Variants in ATP13A4 observed in about 807,000 individuals in gnomAD.
The protein encoded by ATP13A4 is probable cation-transporting ATPase 13A4.
In ATP13A4, 114 loss-of-function variants were observed where a neutral mutation model predicts 142.5. That is an observed-to-expected ratio of 0.80 (90% CI 0.69 to 0.93). The LOEUF is 0.93. ATP13A4 is among the 40% of genes least tolerant of loss of function. The pLI, the probability that ATP13A4 is intolerant of heterozygous loss-of-function variation, is 0.00. For missense variants in ATP13A4, 1,392 were observed against 1,454.0 expected (o/e 0.96, Z 0.69); for synonymous variants, 488 against 514.8 (o/e 0.95, Z 0.70).
At chr3:193,573,286 TATACAC>T (rs1334130800) in intron 2 of ATP13A4, among the ~76,000 whole-genome samples, 29 of 83,160 alleles carry the variant, frequency 3.5e-4, no homozygotes, top group African/African-American at 1.6e-3. Context: ...CATATATATA[TATACAC>T]ATATATATAT....
intron 8 of ATP13A4, 22 bp from the exon 9 acceptor site, chr3:193,471,015 G>A (rs773331201): frequency 6.2e-7 from 1 of 1,614,028 alleles, no homozygotes; most frequent in South Asian, 1.1e-5. Flanking sequence ...AGGAGACAGA[G>A]TTGAGTCAGG....
At chr3:193,411,639 AG>A (rs1172471291) in intron 27 of ATP13A4, among the ~76,000 whole-genome samples, 1 of 152,212 alleles carries the variant, frequency 6.6e-6, no homozygotes, top group African/African-American at 2.4e-5. Context: ...AAGATTAAAC[AG>A]GTCACTCATT....
intron 25 of ATP13A4, among the ~76,000 whole-genome samples, chr3:193,429,451 A>G (rs1715853867): frequency 6.6e-6 from 1 of 152,166 alleles, no homozygotes; most frequent in Admixed American, 6.6e-5. Context: ...ATAATGGAAT[A>G]TTATTCAGCT....
chr3:193,459,307 T>C, intron 13 of ATP13A4, 76 bp from the exon 14 acceptor site: 1 of 1,545,690 alleles, frequency 6.5e-7, no homozygotes, highest in Non-Finnish European at 8.8e-7. Flanking sequence ...TGAACAAACA[T>C]CTTTATAAAA....
At chr3:193,418,482 G>A (rs1222330206) in intron 25 of ATP13A4, among the ~76,000 whole-genome samples, 1 of 149,576 alleles carries the variant, frequency 6.7e-6, no homozygotes, top group Non-Finnish European at 1.5e-5. Context: ...CAGAAACCCT[G>A]TAGAGCACAG....
At position 193,417,250 on chromosome 3, in the gene ATP13A4, A is replaced by G. The variant is rs142466307; in HGVS notation, c.2843-2500T>C. ...AGGGCTCAGATTGAAATGAAAGAAT[A>G]CAAGATAGCTACTCAAACACTTACG... On this transcript the variant is annotated intron_variant, in intron 25 of 29. Coordinates refer to ENST00000342695, the MANE Select transcript of ATP13A4 (RefSeq NM_032279.4). 7.3e-3 allele frequency among the ~76,000 whole-genome samples: 1,106 copies of G among 152,346 alleles called. 12 individuals are homozygous for G. Among genetic ancestry groups the G allele is most frequent in the African/African-American group, 0.025 (1,057 of 41,576 alleles).
At chr3:193,413,713 G>GA (rs936701220) in intron 26 of ATP13A4, among the ~76,000 whole-genome samples, 3 of 152,178 alleles carry the variant, frequency 2.0e-5, no homozygotes, top group Admixed American at 1.3e-4. Flanking sequence ...TAGGATGGGG[G>GA]AAAAAACCCC....
intron 1 of ATP13A4, among the ~76,000 whole-genome samples, chr3:193,592,648 G>A (rs1724861614): frequency 6.6e-6 from 1 of 152,164 alleles, no homozygotes; most frequent in Non-Finnish European, 1.5e-5. Context: ...AACCACACAA[G>A]CTTATTCCAA....
intron 1 of ATP13A4, among the ~76,000 whole-genome samples, chr3:193,549,733 G>A (rs1364847826): frequency 6.6e-6 from 1 of 152,144 alleles, no homozygotes; most frequent in Admixed American, 6.5e-5. Context: ...TCAGGAGGCT[G>A]ATGTGGGAGG....
intron 2 of ATP13A4, among the ~76,000 whole-genome samples, chr3:193,577,381 C>T (rs1724418328): frequency 6.6e-6 from 1 of 152,118 alleles, no homozygotes; most frequent in Non-Finnish European, 1.5e-5. Flanking sequence ...TTACTCTTAC[C>T]ATTCTTTCTT....
At chr3:193,512,453 C>A (rs1034170372) in intron 2 of ATP13A4, among the ~76,000 whole-genome samples, 2 of 152,126 alleles carry the variant, frequency 1.3e-5, no homozygotes, top group African/African-American at 4.8e-5. Context: ...CTGAGCCATA[C>A]ATCAAATGTC....
chr3:193,560,259 A>C (rs9811801), intron 2 of ATP13A4, among the ~76,000 whole-genome samples: 19,892 of 151,468 alleles, frequency 0.13, 1,413 homozygotes, highest in Non-Finnish European at 0.16. Flanking sequence ...CCCAGACTGG[A>C]GTGCAGAGGT....
Position 193,573,292 on chromosome 3 carries a change from C to CAT in ATP13A4, n.291+8413_291+8414dup, listed in dbSNP as rs1318036721. On this transcript the variant is annotated intron_variant and non_coding_transcript_variant, in intron 2 of 3. Transcript: ENST00000489140. ...ATATATATACATATATATATATACA[C>CAT]ATATATATATATATACATATATATA... Among the ~76,000 whole-genome samples the CAT allele has an allele frequency of 5.8e-4, 63 of 107,842 alleles. 3 individuals carry two copies. The highest frequency in any genetic ancestry group is 1.3e-3 in the South Asian group (5 of 3,712). 70.7% of individuals were successfully genotyped at this position (107,842 alleles called of 152,430 possible).
At chr3:193,454,952 CA>C (rs1241959641) in intron 16 of ATP13A4, among the ~76,000 whole-genome samples, 1 of 152,058 alleles carries the variant, frequency 6.6e-6, no homozygotes, top group East Asian at 1.9e-4. Flanking sequence ...AAAATTTTTG[CA>C]AACTATGCAT....
intron 8 of ATP13A4, among the ~76,000 whole-genome samples, chr3:193,483,469 T>G (rs1300498426): frequency 6.6e-6 from 1 of 152,132 alleles, no homozygotes; most frequent in Non-Finnish European, 1.5e-5. Flanking sequence ...TTTGTTTTGT[T>G]TTGTTTTGTT....
chr3:193,413,096 G>T (rs1462268773), intron 26 of ATP13A4, among the ~76,000 whole-genome samples: 1 of 152,300 alleles, frequency 6.6e-6, no homozygotes, highest in East Asian at 1.9e-4. Context: ...AGCTCTGGCA[G>T]AGGAACATAA....
intron 1 of ATP13A4, among the ~76,000 whole-genome samples, chr3:193,551,741 C>T (rs1241513056): frequency 6.6e-6 from 1 of 152,170 alleles, no homozygotes; most frequent in Non-Finnish European, 1.5e-5. Flanking sequence ...CCTCCCGTCC[C>T]GTCCCAGTGC....
At chr3:193,580,570 T>C (rs1167191931) in intron 2 of ATP13A4, among the ~76,000 whole-genome samples, 1 of 152,146 alleles carries the variant, frequency 6.6e-6, no homozygotes, top group South Asian at 2.1e-4. Flanking sequence ...CCATGCAGAA[T>C]TACTCAAAGC....
intron 2 of ATP13A4, among the ~76,000 whole-genome samples, chr3:193,573,300 TATATATAC>T (rs1724322385): frequency 1.2e-5 from 1 of 84,450 alleles, no homozygotes; most frequent in Admixed American, 1.2e-4. Context: ...CACATATATA[TATATATAC>T]ATATATATAT....
Sources: allele counts gnomAD v4.1 joint callset (sites outside exome capture counted in the v4.1 genomes callset), GRCh38; gene constraint gnomAD v4.1.1; transcripts MANE v1.5; gene names NCBI Gene and HGNC (gene_info 2026-07-23, HGNC 2026-07-21).